The following TEX9 variants were observed in gnomAD, a reference collection of about 807,000 sequenced individuals.
TEX9 encodes testis expressed 9.
Under a neutral mutation model 59.6 loss-of-function variants are expected in TEX9, and 74 were observed. The ratio of observed to expected loss-of-function variants is 1.24; its 90% confidence interval spans 1.03 to 1.51. The LOEUF (loss-of-function observed/expected upper bound fraction) is 1.51. Ranked by LOEUF, TEX9 falls within the 40% of genes most tolerant of loss-of-function variation. TEX9 has a pLI of 0.00. For missense variants in TEX9, 522 were observed against 447.8 expected (o/e 1.17, Z -1.49); for synonymous variants, 186 against 152.2 (o/e 1.22, Z -1.64).
At chr15:56,425,927 T>C (rs1156900122) in intron 10 of TEX9, among the ~76,000 whole-genome samples, 1 of 152,156 alleles carries the variant, frequency 6.6e-6, no homozygotes, top group African/African-American at 2.4e-5. Flanking sequence ...TGGGGTTGTG[T>C]CTTTCCTGGG....
chr15:56,311,307 C>T (rs2045609550), intron 1 of TEX9, among the ~76,000 whole-genome samples: 1 of 122,286 alleles, frequency 8.2e-6, no homozygotes, highest in Non-Finnish European at 1.7e-5. Context: ...CCCCACCCCA[C>T]AACAGTCCCC....
chr15:56,354,113 G>T (rs1230105935), intron 1 of TEX9, among the ~76,000 whole-genome samples: 1 of 152,008 alleles, frequency 6.6e-6, no homozygotes, highest in African/African-American at 2.4e-5. Context: ...ATCCTTCCTG[G>T]CTTTTAAGTA....
intron 1 of TEX9, among the ~76,000 whole-genome samples, chr15:56,281,553 G>A (rs951687600): frequency 1.3e-5 from 2 of 151,876 alleles, no homozygotes; most frequent in South Asian, 2.1e-4. Flanking sequence ...CTCACCCCCC[G>A]CCCCACTCTT....
At chr15:56,429,687 G>C (rs1307927853) in intron 12 of TEX9, 1 of 152,132 alleles carries the variant, frequency 6.6e-6, no homozygotes, top group Non-Finnish European at 1.5e-5. Context: ...ATTCTTCACT[G>C]TTCTATTTTT....
intron 1 of TEX9, among the ~76,000 whole-genome samples, chr15:56,346,900 C>T (rs760883973): frequency 1.3e-5 from 2 of 152,126 alleles, no homozygotes; most frequent in African/African-American, 2.4e-5. Context: ...ACAAGATAAA[C>T]GTACAAAAGA....
chr15:56,399,359 A>G (rs527262250), intron 9 of TEX9, among the ~76,000 whole-genome samples: 1 of 152,226 alleles, frequency 6.6e-6, no homozygotes, highest in Admixed American at 6.5e-5. Context: ...GCTCACTGCT[A>G]GTGCAGCAGT....
intron 9 of TEX9, chr15:56,397,349 G>A (rs1239837329): frequency 1.3e-5 from 2 of 152,560 alleles, no homozygotes; most frequent in African/African-American, 4.8e-5. Flanking sequence ...GTGACTTGGT[G>A]CTGTTAAAGG....
chr15:56,374,571 T>A (rs551974125), intron 3 of TEX9: 1 of 152,210 alleles, frequency 6.6e-6, no homozygotes, highest in Non-Finnish European at 1.5e-5. Flanking sequence ...TTAGTTAATT[T>A]AAAATGTACA....
At chr15:56,454,281 C>A in the TEX9 span, among the ~76,000 whole-genome samples, 1 of 152,096 alleles carries the variant, frequency 6.6e-6, no homozygotes, top group South Asian at 2.1e-4. Context: ...TTGATATAGG[C>A]ATGCAATGCA....
chr15:56,321,109 C>T (rs549129941), intron 1 of TEX9, among the ~76,000 whole-genome samples: 1 of 152,262 alleles, frequency 6.6e-6, no homozygotes, highest in East Asian at 1.9e-4. Context: ...GTGGGAAACT[C>T]AATGCCACTG....
At chr15:56,443,883 T>C in intron 12 of TEX9, 4 of 1,450,100 alleles carry the variant, frequency 2.8e-6, no homozygotes, top group Non-Finnish European at 3.7e-6. Context: ...TACAGATTTA[T>C]AGTAAACAAT....
intron 1 of TEX9, among the ~76,000 whole-genome samples, chr15:56,255,632 A>G (rs907920661): frequency 6.6e-6 from 1 of 152,112 alleles, no homozygotes; most frequent in African/African-American, 2.4e-5. Flanking sequence ...AAGATAAAAA[A>G]TGTTCATATT....
Position 56,391,328 on chromosome 15 carries a change from A to G in TEX9, c.481A>G (p.Ile161Val), listed in dbSNP as rs759973135. The change falls in exon 7 of 13, where the codon ATT becomes GTT. Residue 161 changes from isoleucine to valine, a missense_variant. Ile to Val is a conservative substitution (Grantham distance 29, BLOSUM62 3). Transcript: ENST00000352903. ...CTCAGACTTTTCCCTTGCAAAAACA[A>G]TTAGCAAAATTGAAGGGCAACTGGA... 1.5e-5 allele frequency: 24 copies of G among 1,606,198 alleles called. No homozygotes were observed. Among genetic ancestry groups the G allele is most frequent in the African/African-American group, 1.3e-4 (10 of 74,650 alleles).
At chr15:56,402,805 C>T (rs2048864313) in intron 9 of TEX9, among the ~76,000 whole-genome samples, 1 of 152,182 alleles carries the variant, frequency 6.6e-6, no homozygotes, top group Non-Finnish European at 1.5e-5. Flanking sequence ...CGGCTTCATC[C>T]CTGGTTGAAC....
the TEX9 span, chr15:56,456,464 T>C: frequency 6.2e-6 from 10 of 1,612,570 alleles, no homozygotes; most frequent in Non-Finnish European, 8.5e-6. Flanking sequence ...GCCAATTCCA[T>C]AGCCAGTTTT....
the TEX9 span, chr15:56,456,565 AT>A: frequency 1.0e-4 from 159 of 1,584,590 alleles, no homozygotes; most frequent in Non-Finnish European, 1.3e-4. Context: ...CTAGAATCAG[AT>A]TTTTTTCATC....
At chr15:56,389,989 A>T (rs1402518113) in intron 6 of TEX9, among the ~76,000 whole-genome samples, 1 of 151,984 alleles carries the variant, frequency 6.6e-6, no homozygotes, top group African/African-American at 2.4e-5. Flanking sequence ...GTAAGTTATT[A>T]AATTTATTTG....
At chr15:56,438,785 A>G (rs977452625) in intron 12 of TEX9, among the ~76,000 whole-genome samples, 1 of 152,162 alleles carries the variant, frequency 6.6e-6, no homozygotes, top group African/African-American at 2.4e-5. Flanking sequence ...AAAGAACTCA[A>G]ATTTACAAGA....
At chr15:56,373,335 A>G (rs2047276282) in intron 2 of TEX9, 106 bp from the exon 3 acceptor site, 1 of 972,554 alleles carries the variant, frequency 1.0e-6, no homozygotes, top group East Asian at 3.0e-5. Flanking sequence ...CCATATGTAT[A>G]TTTTGGCATT....
Sources: gnomAD v4.1 joint callset for allele counts (sites outside exome capture counted in the v4.1 genomes callset) on GRCh38, gnomAD v4.1.1 for gene constraint, MANE v1.5 for transcripts, NCBI Gene and HGNC (gene_info 2026-07-23, HGNC 2026-07-21) for gene names.